The following CIITA variants were observed in gnomAD, a reference collection of about 807,000 sequenced individuals.
CIITA encodes the protein MHC class II transactivator.
Under a neutral mutation model 115.1 loss-of-function variants are expected in CIITA, and 72 were observed. That is an observed-to-expected ratio of 0.63 (90% CI 0.52 to 0.76). The LOEUF (loss-of-function observed/expected upper bound fraction) is 0.76, where lower values mean the gene tolerates loss of function less well. Ranked by LOEUF, CIITA falls within the 30% of genes least tolerant of loss-of-function variation. The pLI is 0.00. For synonymous variants in CIITA, 763 were observed against 635.6 expected (o/e 1.20, Z -3.02); for missense variants, 1,617 against 1,463.8 (o/e 1.10, Z -1.71).
intron 1 of CIITA, among the ~76,000 whole-genome samples, chr16:10,887,083 G>C (rs1009266938): frequency 6.6e-6 from 1 of 152,278 alleles, no homozygotes; most frequent in East Asian, 1.9e-4. Context: ...GAGGACTACA[G>C]GGTGCATGAG....
chr16:10,888,962 T>C (rs2037245296), intron 1 of CIITA, among the ~76,000 whole-genome samples: 1 of 152,222 alleles, frequency 6.6e-6, no homozygotes, highest in South Asian at 2.1e-4. Flanking sequence ...AAATAGCTGA[T>C]GTGTAAGTTA....
rs752920646 is a variant in CIITA, at chr16:10,941,846, C to G, written n.972C>G. On this transcript the variant is annotated non_coding_transcript_exon_variant, in exon 2 of 2. Coordinates refer to the CIITA transcript ENST00000573379. This position sits in a 1 kb window ranked among gnomAD's most constrained non-coding sequence, Gnocchi z 6.4. ...TCCTCGGGCAGGAAGACGAGGCCCA[C>G]GTTGAGGACGATGTACTCCATGAGG... is the stretch of plus-strand genomic sequence containing the variant. 3.7e-6 allele frequency: 6 copies of G among 1,612,892 alleles called. No individual in the cohort carries two copies. The African/African-American group carries it at 8.0e-5, about 22-fold the overall frequency.
intron 17 of CIITA, 29 bp from the exon 18 acceptor site, chr16:10,922,378 C>G (rs747346678): frequency 1.2e-6 from 2 of 1,613,882 alleles, no homozygotes; most frequent in East Asian, 2.2e-5. Flanking sequence ...TCCCAAGGGC[C>G]AGGCCCCAAG....
At chr16:10,874,263 C>T (rs2035682295), upstream of CIITA, among the ~76,000 whole-genome samples, 1 of 152,150 alleles carries the variant, frequency 6.6e-6, no homozygotes, top group African/African-American at 2.4e-5. Context: ...AGATTACAGG[C>T]GTGAGCCACC....
In CIITA at chr16:10,898,991, G is replaced by A. The variant is rs1025274369; in HGVS notation, c.425G>A (p.Ser142Asn). ...MEMPAEVGQK[S>N]QKRPFPEELP... Reference sequence around the variant, plus strand: ...ATGCCAGCAGAAGTTGGGCAGAAAAGTCAGAAAAGACGTGAGTGAGCCCCT... The same window carrying A: ...ATGCCAGCAGAAGTTGGGCAGAAAAATCAGAAAAGACGTGAGTGAGCCCCT... The change falls in exon 5 of 20, where the codon AGT becomes AAT. Residue 142 changes from serine (S) to asparagine (N), a missense_variant. Ser to Asn is a conservative substitution (Grantham distance 46, BLOSUM62 1). Coordinates refer to ENST00000324288, the MANE Select transcript of CIITA (RefSeq NM_000246.4). The A allele has an allele frequency of 1.9e-6, 3 of 1,614,128 alleles. No individual in the cohort carries two copies. Among genetic ancestry groups the A allele is most frequent in the Admixed American group, 1.7e-5 (1 of 60,026 alleles).
Position 10,894,864 on chromosome 16 carries a change from T to G in CIITA, c.53-418T>G, listed in dbSNP as rs111541117. On this transcript the variant is annotated intron_variant, in intron 1 of 19. Transcript: ENST00000324288. The stretch of plus-strand genomic sequence containing the variant: ...CTCTCTGAGCCTCAGTTTTCTCATA[T>G]GCAAAGTGAGGATAATAATAATACC... 2.6e-3 allele frequency among the ~76,000 whole-genome samples: 390 copies of G among 152,342 alleles called. 1 individual carries two copies. The highest frequency in any genetic ancestry group is 8.5e-3 in the African/African-American group (354 of 41,566).
chr16:10,918,436 G>A lies in CIITA; in HGVS notation c.3063-4G>A, dbSNP rs772159674. 8 of 1,613,714 alleles carry A rather than the reference G, an allele frequency of 5.0e-6. No individual in the cohort carries two copies. The highest frequency in any genetic ancestry group is 2.7e-5 in the African/African-American group (2 of 74,910). On this transcript the variant is annotated splice_region_variant and splice_polypyrimidine_tract_variant and intron_variant, in intron 15 of 19. Coordinates refer to ENST00000324288, the MANE Select transcript of CIITA (RefSeq NM_000246.4). Reference sequence around the variant, plus strand: ...GAGCCCTCCCCCTCACTGTGTCCCCGCAGTCTGTCCCAGAACAACATCACT... The same window carrying A: ...GAGCCCTCCCCCTCACTGTGTCCCCACAGTCTGTCCCAGAACAACATCACT...
upstream of CIITA, among the ~76,000 whole-genome samples, chr16:10,873,974 G>C (rs144623907): frequency 1.3e-5 from 2 of 151,988 alleles, no homozygotes; most frequent in Non-Finnish European, 2.9e-5. Flanking sequence ...GTTTTGTTGT[G>C]TTTTGTTTTT....
At position 10,930,011 on chromosome 16, in the gene CIITA, A is replaced by C. The variant is rs4072864; in HGVS notation, c.*6156A>C. 114,558 of 152,266 alleles carry C rather than the reference A, an allele frequency of 0.75. 43,559 individuals carry two copies. Among genetic ancestry groups the C allele is most frequent in the Non-Finnish European group, 0.8 (54,490 of 68,072 alleles). The allele number at this position is 152,266 out of a possible 1,614,324, so 9.4% of individuals were successfully genotyped here. ...ATGCTTTGCAACCTACAGGAAGGCAATAGCCACAGCCAAGTTACTCAGCAG... is the reference window on the plus strand; with the variant it reads ...ATGCTTTGCAACCTACAGGAAGGCACTAGCCACAGCCAAGTTACTCAGCAG... On this transcript the variant is annotated 3_prime_UTR_variant, in exon 20 of 20. Coordinates refer to ENST00000324288, the MANE Select transcript of CIITA (RefSeq NM_000246.4).
At chr16:10,885,549 T>G (rs529858496) in intron 1 of CIITA, among the ~76,000 whole-genome samples, 1 of 152,316 alleles carries the variant, frequency 6.6e-6, no homozygotes, top group Admixed American at 6.5e-5. Flanking sequence ...TAGTTTCTCT[T>G]AAGTCCTCTC....
chr16:10,878,934 C>A (rs1365738386), intron 1 of CIITA: 1 of 226,344 alleles, frequency 4.4e-6, no homozygotes, highest in Non-Finnish European at 8.8e-6. Flanking sequence ...TGCGGGGAGG[C>A]GGGGAGGTAG....
intron 9 of CIITA, among the ~76,000 whole-genome samples, 175 bp downstream of exon 9, chr16:10,904,070 T>C (rs1464255001): frequency 6.6e-6 from 1 of 152,104 alleles, no homozygotes; most frequent in Non-Finnish European, 1.5e-5. Context: ...TGTGGGGGAA[T>C]GGACAGCTAG....
chr16:10,888,373 A>C (rs1183641393), intron 1 of CIITA: 2 of 152,184 alleles, frequency 1.3e-5, no homozygotes, highest in African/African-American at 4.8e-5. Flanking sequence ...TTTCACCCCA[A>C]AGCTCACCAT....
At chr16:10,905,936 C>T (rs1175908315) in intron 10 of CIITA, among the ~76,000 whole-genome samples, 2 of 151,960 alleles carry the variant, frequency 1.3e-5, no homozygotes, top group Non-Finnish European at 2.9e-5. Context: ...CCTGTAATCC[C>T]AGCACTTTGG....
At chr16:10,883,377 G>A (rs2143738629) in intron 1 of CIITA, among the ~76,000 whole-genome samples, 1 of 152,318 alleles carries the variant, frequency 6.6e-6, no homozygotes, top group South Asian at 2.1e-4. Context: ...CCTGCATTCT[G>A]GACAGGGACC....
chr16:10,870,991 A>G (rs1191985890), intron 1 of CIITA, among the ~76,000 whole-genome samples: 2 of 152,212 alleles, frequency 1.3e-5, no homozygotes, highest in African/African-American at 4.8e-5. Flanking sequence ...GGTACTGTGC[A>G]TATTTGAGAA....
chr16:10,866,516 G>A (rs192133588), intron 1 of CIITA: 111 of 554,992 alleles, frequency 2.0e-4, no homozygotes, highest in Middle Eastern at 5.9e-4. Context: ...GGGTGGGCCC[G>A]GAGTGGGCTG....
rs1444145711 is a variant in CIITA at position 10,924,659 on chromosome 16, C to T, written c.*804C>T. The stretch of plus-strand genomic sequence containing the variant: ...CCCCAGATTGCAACAGGCTGGGCTT[C>T]AGTGGCAGCTGCTTTTGTCTATGGG... On this transcript the variant is annotated 3_prime_UTR_variant, in exon 20 of 20. Transcript: ENST00000324288. 1 of 152,220 alleles carries T rather than the reference C, an allele frequency of 6.6e-6. No homozygotes were observed. The highest frequency in any genetic ancestry group is 1.9e-4 in the East Asian group (1 of 5,186). The allele number at this position is 152,220 out of a possible 1,614,324, so 9.4% of individuals were successfully genotyped here.
intron 11 of CIITA, 80 bp downstream of exon 11, chr16:10,908,229 G>T: frequency 1.3e-6 from 2 of 1,498,272 alleles, no homozygotes; most frequent in South Asian, 1.2e-5. Context: ...AGTGCTCTGT[G>T]GGGTCTCTTT....
Sources: allele counts gnomAD v4.1 joint callset (sites outside exome capture counted in the v4.1 genomes callset), GRCh38; gene constraint gnomAD v4.1.1; non-coding constraint Gnocchi (gnomAD v3.1); transcripts MANE v1.5; gene names NCBI Gene and HGNC (gene_info 2026-07-23, HGNC 2026-07-21).